COL4A3: variants seen among roughly 807,000 people sequenced by gnomAD.
COL4A3 encodes collagen alpha-3(IV) chain.
Under a neutral mutation model 217.4 loss-of-function variants are expected in COL4A3, and 135 were observed. The ratio of observed to expected loss-of-function variants is 0.62; its 90% CI spans 0.54 to 0.72. COL4A3 has a LOEUF of 0.72. Among genes scored for constraint, COL4A3 ranks in the 30% least tolerant of loss-of-function variants. COL4A3 has a pLI of 0.00. For missense variants in COL4A3, 1,868 were observed against 2,119.9 expected, an observed-to-expected ratio of 0.88 and a Z score of 2.33; for synonymous variants, 690 against 736.3, an observed-to-expected ratio of 0.94 and a Z score of 1.02.
At position 227,290,741 on chromosome 2, in the gene COL4A3, T is replaced by C; in HGVS notation, c.3071-6T>C. On this transcript the variant is annotated splice_region_variant and splice_polypyrimidine_tract_variant and intron_variant, in intron 36 of 51. Transcript: ENST00000396578. ...ATTTTACTCTATGTTTTCCCCCTAA[T>C]TTCAGGTTCTAAAGGAAAAAGGGGA... is the stretch of plus-strand genomic sequence containing the variant. 6.2e-7 allele frequency: 1 copy of C among 1,612,908 alleles called. No individual in the cohort carries two copies. Among genetic ancestry groups the C allele is most frequent in the Non-Finnish European group, 8.5e-7 (1 of 1,179,836 alleles).
intron 43 of COL4A3, among the ~76,000 whole-genome samples, chr2:227,302,378 T>C (rs1350440706): frequency 6.6e-6 from 1 of 152,126 alleles, no homozygotes; most frequent in Non-Finnish European, 1.5e-5. Flanking sequence ...TAAATACAGA[T>C]TATAATTTTC....
intron 34 of COL4A3, among the ~76,000 whole-genome samples, chr2:227,286,287 T>G (rs935447641): frequency 6.7e-6 from 1 of 149,132 alleles, no homozygotes; most frequent in African/African-American, 2.5e-5. Context: ...AGGTCAGGAG[T>G]TCGAGACCAG....
intron 1 of COL4A3, among the ~76,000 whole-genome samples, chr2:227,223,745 T>C (rs28432710): frequency 6.8e-5 from 8 of 116,934 alleles, no homozygotes; most frequent in Admixed American, 2.5e-4. Flanking sequence ...AATAAATAAA[T>C]AAACAAATAA....
chr2:227,259,018 CA>C (rs1488519925), intron 18 of COL4A3, among the ~76,000 whole-genome samples: 3 of 145,592 alleles, frequency 2.1e-5, no homozygotes, highest in Non-Finnish European at 3.0e-5. Flanking sequence ...TTTTTTTTTT[CA>C]AACCTTTGAT....
Position 227,279,838 on chromosome 2 carries a change from GA to G in COL4A3, c.2176del (p.Met726TrpfsTer21). 6.2e-7 allele frequency: 1 copy of G among 1,610,634 alleles called. No individual in the cohort carries two copies. The highest frequency in any genetic ancestry group is 1.1e-5 in the South Asian group (1 of 90,012). On this transcript the variant is annotated frameshift_variant, in exon 29 of 52. Transcript: ENST00000396578. LOFTEE classifies it high-confidence loss of function. ...PGTKGSLGCP[G>X]KMGEPGLPGK... ...ACAAAAGGATCACTGGGTTGTCCTG[GA>G]AAAATGGGAGAGCCTGGGTTACCTG...
At chr2:227,309,362 T>C (rs764311604) in intron 50 of COL4A3, 44 bp downstream of exon 50, 11 of 1,436,514 alleles carry the variant, frequency 7.7e-6, no homozygotes, top group Non-Finnish European at 1.1e-5. Flanking sequence ...AGACTACCTG[T>C]AGAATGTTAC....
rs190591262 is a variant in COL4A3 at position 227,279,134 on chromosome 2, A to T, written c.2126-659A>T. ...CTTTTGTTGCCCAGGCTGGAGTGTA[A>T]TTGGCACTATCTCAGCTCAACACAA... On this transcript the variant is annotated intron_variant, in intron 28 of 51. Transcript: ENST00000396578. 3.5e-4 allele frequency among the ~76,000 whole-genome samples: 52 copies of T among 150,692 alleles called. No homozygotes were observed. The East Asian group carries it at 9.9e-3, about 29-fold the overall frequency.
rs1431414308 is a variant in COL4A3, at chr2:227,312,430, A to T, written c.*560A>T. On this transcript the variant is annotated 3_prime_UTR_variant, in exon 52 of 52. Transcript: ENST00000396578. ...CTGAACTGAGGTTCATGGATTTTCC[A>T]GGACTGTTTCAAACATGCCCATTAC... The T allele has an allele frequency of 6.5e-6, 1 of 154,018 alleles. No homozygotes were observed. The highest frequency in any genetic ancestry group is 2.4e-5 in the African/African-American group (1 of 41,464). 9.5% of individuals were successfully genotyped at this position (154,018 alleles called of 1,614,324 possible).
At position 227,276,389 on chromosome 2, in the gene COL4A3, TA is replaced by T. The variant is rs1559890140; in HGVS notation, c.1933del (p.Arg645GlyfsTer102). The T allele has an allele frequency of 6.2e-7, 1 of 1,613,562 alleles. No individual in the cohort carries two copies. Among genetic ancestry groups the T allele is most frequent in the Admixed American group, 1.7e-5 (1 of 60,020 alleles). On this transcript the variant is annotated frameshift_variant, in exon 27 of 52. Coordinates refer to ENST00000396578, the MANE Select transcript of COL4A3 (RefSeq NM_000091.5). LOFTEE classifies it high-confidence loss of function. ...APGPPGEAGP[R>X]GELSVSTPVP... ...ATGACCACAAATTTCCTTAAGGCCC[TA>T]GGGGAGAGCTCAGTGTTTCAACACC...
At chr2:227,293,399 A>G (rs1393384641) in intron 38 of COL4A3, 82 bp downstream of exon 38, 2 of 1,494,796 alleles carry the variant, frequency 1.3e-6, no homozygotes, top group Non-Finnish European at 1.8e-6. Flanking sequence ...GTAAACAGAA[A>G]GCTATTTATA....
rs117260956 is a variant in COL4A3, at chr2:227,200,330, C to T, written c.87+35517C>T. Among the ~76,000 whole-genome samples, 592 of 152,256 alleles carry T rather than the reference C, an allele frequency of 3.9e-3. 12 individuals carry two copies. In the East Asian group the frequency reaches 0.045, roughly 12 times the overall value. On this transcript the variant is annotated intron_variant, in intron 1 of 51. Transcript: ENST00000396578. ...CAAAGTTTTTCCTGGGTGCCAGCAACCCAAAGCACCACACTCTTCCCCATC... is the reference window on the plus strand; with the variant it reads ...CAAAGTTTTTCCTGGGTGCCAGCAATCCAAAGCACCACACTCTTCCCCATC...
intron 37 of COL4A3, 21 bp downstream of exon 37, chr2:227,290,907 T>C: frequency 6.2e-7 from 1 of 1,603,716 alleles, no homozygotes; most frequent in Non-Finnish European, 8.5e-7. Context: ...CACTGAAATA[T>C]TTACATTTTA....
intron 3 of COL4A3, among the ~76,000 whole-genome samples, chr2:227,240,556 C>A (rs1041022207): frequency 1.3e-5 from 2 of 152,210 alleles, no homozygotes; most frequent in Non-Finnish European, 2.9e-5. Flanking sequence ...CAAGACCTGT[C>A]CAACCACCTG....
At position 227,204,179 on chromosome 2, in the gene COL4A3, A is replaced by G. The variant is rs559551859; in HGVS notation, c.88-33789A>G. Among the ~76,000 whole-genome samples the G allele has an allele frequency of 2.6e-5, 4 of 152,306 alleles. No homozygotes were observed. In the South Asian group the frequency reaches 8.3e-4, roughly 32 times the overall value. ...ACCATTTACTAGCCGGGTGACTTTA[A>G]GAAAATTACCTAGTCTTTCTGTGCC... is the stretch of plus-strand genomic sequence containing the variant. On this transcript the variant is annotated intron_variant, in intron 1 of 51. Transcript: ENST00000396578.
chr2:227,242,364 T>C (rs942876768), intron 3 of COL4A3, among the ~76,000 whole-genome samples: 1 of 152,212 alleles, frequency 6.6e-6, no homozygotes, highest in Non-Finnish European at 1.5e-5. Flanking sequence ...TCTGTCGCCA[T>C]GGAGTTAAGG....
chr2:227,248,687 T>C (rs1379289186), intron 9 of COL4A3, among the ~76,000 whole-genome samples, 167 bp downstream of exon 9: 1 of 152,186 alleles, frequency 6.6e-6, no homozygotes, highest in Non-Finnish European at 1.5e-5. Context: ...TCTGGCCTCA[T>C]TTCATTCTAA....
Position 227,279,841 on chromosome 2 carries a change from A to G in COL4A3, c.2174A>G (p.Lys725Arg), listed in dbSNP as rs199734116. ...GTKGSLGCPG[K>R]MGEPGLPGKP... ...AAAGGATCACTGGGTTGTCCTGGAA[A>G]AATGGGAGAGCCTGGGTTACCTGGA... Residue 725 changes from lysine to arginine, a missense_variant, in exon 29 of 52, where the codon AAA becomes AGA. Physicochemically the swap from Lys to Arg is conservative, Grantham distance 26. Around this residue, in one of 2 missense-constraint regions of COL4A3, gnomAD observed 1,503 missense variants for 1,786.1 expected, o/e 0.84. Coordinates refer to ENST00000396578, the MANE Select transcript of COL4A3 (RefSeq NM_000091.5). 1 of 1,610,844 alleles carries G rather than the reference A, an allele frequency of 6.2e-7. No homozygotes were observed. The highest frequency in any genetic ancestry group is 2.2e-5 in the East Asian group (1 of 44,856).
chr2:227,246,158 A>G, intron 6 of COL4A3, 142 bp downstream of exon 6: 1 of 721,130 alleles, frequency 1.4e-6, no homozygotes, highest in Non-Finnish European at 2.5e-6. Context: ...TGGAGGCAGG[A>G]AACTTCCCAT....
intron 1 of COL4A3, among the ~76,000 whole-genome samples, chr2:227,220,801 T>C (rs11694554): frequency 0.84 from 128,291 of 152,118 alleles, 54,302 homozygotes; most frequent in Admixed American, 0.89. Context: ...ATTGAAGATT[T>C]AGAGATAACA....
Sources: gnomAD v4.1 joint callset for allele counts (sites outside exome capture counted in the v4.1 genomes callset) on GRCh38, gnomAD v4.1.1 for gene constraint, gnomAD v4.1.1 regional missense constraint, MANE v1.5 for transcripts, NCBI Gene and HGNC (gene_info 2026-07-23, HGNC 2026-07-21) for gene names.